RAB8B: variants seen among roughly 807,000 people sequenced by gnomAD.
The protein encoded by RAB8B is RAB8B, member RAS oncogene family.
In RAB8B, 11 loss-of-function variants were observed where a neutral mutation model predicts 32.0. The ratio of observed to expected loss-of-function variants is 0.34; its 90% CI spans 0.22 to 0.57. The LOEUF is 0.57. RAB8B is among the 20% of genes least tolerant of loss of function. The pLI, the probability that RAB8B is intolerant of heterozygous loss-of-function variation, is 0.86. For synonymous variants in RAB8B, 103 were observed against 89.6 expected (o/e 1.15, Z -0.85); for missense variants, 190 against 258.5 (o/e 0.73, Z 1.82).
chr15:63,200,613 C>T (rs1206950423), intron 1 of RAB8B, among the ~76,000 whole-genome samples: 2 of 147,740 alleles, frequency 1.4e-5, no homozygotes, highest in African/African-American at 5.0e-5. Flanking sequence ...CATAGTGAGA[C>T]ACTCAACACC....
chr15:63,213,317 A>C (rs2037762702), intron 1 of RAB8B, among the ~76,000 whole-genome samples: 1 of 150,990 alleles, frequency 6.6e-6, no homozygotes, highest in Non-Finnish European at 1.5e-5. Context: ...GACGTGGGGC[A>C]AAGCAGAGGA....
intron 1 of RAB8B, among the ~76,000 whole-genome samples, chr15:63,220,921 T>C (rs992937997): frequency 2.0e-5 from 3 of 152,216 alleles, no homozygotes; most frequent in Admixed American, 6.5e-5. Context: ...GATCCTCTGC[T>C]CAAGTGTAAT....
chr15:63,240,543 C>T (rs2038023657), intron 1 of RAB8B, among the ~76,000 whole-genome samples: 1 of 152,044 alleles, frequency 6.6e-6, no homozygotes, highest in South Asian at 2.1e-4. Flanking sequence ...TGAATTTTTA[C>T]CTCTTGTAGT....
chr15:63,237,412 T>C (rs2037990001), intron 1 of RAB8B, among the ~76,000 whole-genome samples: 1 of 152,246 alleles, frequency 6.6e-6, no homozygotes, highest in South Asian at 2.1e-4. Flanking sequence ...TGCCTATCTT[T>C]TGGATAAAAG....
At chr15:63,232,995 C>T (rs1010245718) in intron 1 of RAB8B, among the ~76,000 whole-genome samples, 3 of 150,756 alleles carry the variant, frequency 2.0e-5, no homozygotes, top group African/African-American at 7.3e-5. Context: ...ATAACTTATG[C>T]GACGTATATT....
chr15:63,222,516 TTGA>T (rs202070874), intron 1 of RAB8B, among the ~76,000 whole-genome samples: 1 of 152,202 alleles, frequency 6.6e-6, no homozygotes, highest in East Asian at 1.9e-4. Context: ...GTCCCATAAG[TTGA>T]TGATGATGAT....
intron 1 of RAB8B, among the ~76,000 whole-genome samples, chr15:63,243,451 A>G (rs1264895996): frequency 1.3e-5 from 2 of 152,202 alleles, no homozygotes; most frequent in African/African-American, 2.4e-5. Flanking sequence ...GAGCTTGCTG[A>G]TATTTGTCAA....
intron 1 of RAB8B, among the ~76,000 whole-genome samples, chr15:63,241,906 C>A (rs568712303): frequency 1.3e-5 from 2 of 151,972 alleles, no homozygotes; most frequent in African/African-American, 4.8e-5. Context: ...TTGTCAGATG[C>A]TAGCAGTAAT....
chr15:63,258,735 G>C (rs1305253847), intron 5 of RAB8B, among the ~76,000 whole-genome samples: 4 of 152,196 alleles, frequency 2.6e-5, no homozygotes, highest in Non-Finnish European at 5.9e-5. Flanking sequence ...CTCTGTAAAT[G>C]AAGTAGTGGC....
At chr15:63,194,200 A>T (rs60120861) in intron 1 of RAB8B, among the ~76,000 whole-genome samples, 2 of 149,942 alleles carry the variant, frequency 1.3e-5, no homozygotes, top group East Asian at 3.9e-4. Context: ...TTTTATAAAT[A>T]AAAAAAAAAT....
intron 5 of RAB8B, among the ~76,000 whole-genome samples, chr15:63,258,097 AT>A (rs1408190441): frequency 6.8e-6 from 1 of 147,376 alleles, no homozygotes; most frequent in African/African-American, 2.5e-5. Flanking sequence ...AAAAGTAAGT[AT>A]AGTTTTTTTT....
intron 1 of RAB8B, among the ~76,000 whole-genome samples, chr15:63,208,429 G>C (rs1198202132): frequency 1.3e-5 from 2 of 152,006 alleles, no homozygotes; most frequent in Non-Finnish European, 2.9e-5. Flanking sequence ...TGTCATTTGT[G>C]AAAGAAAAAA....
chr15:63,251,409 A>T (rs953552509), intron 3 of RAB8B: 21 of 437,946 alleles, frequency 4.8e-5, no homozygotes, highest in African/African-American at 4.2e-4. Context: ...GCATGCTAGG[A>T]ATGATGTGCT....
In RAB8B at chr15:63,263,598, C is replaced by G. The variant is rs776912093; in HGVS notation, c.603C>G (p.Phe201Leu). 1 of 1,610,386 alleles carries G rather than the reference C, an allele frequency of 6.2e-7. No individual in the cohort carries two copies. The highest frequency in any genetic ancestry group is 1.1e-5 in the South Asian group (1 of 91,000). The change falls in exon 8 of 8, where the codon TTC (phenylalanine) becomes TTG (leucine). Residue 201 changes from phenylalanine to leucine, a missense_variant. Coordinates refer to ENST00000321437, the MANE Select transcript of RAB8B (RefSeq NM_016530.3). ...ITENRSKKTS[F>L]FRCSLL Reference sequence around the variant, plus strand: ...AAAACCGATCAAAGAAGACCAGTTTCTTTCGTTGCTCGCTACTTTGATGAA... The same window carrying G: ...AAAACCGATCAAAGAAGACCAGTTTGTTTCGTTGCTCGCTACTTTGATGAA...
chr15:63,206,213 C>T (rs2037696616), intron 1 of RAB8B, among the ~76,000 whole-genome samples: 1 of 152,100 alleles, frequency 6.6e-6, no homozygotes, highest in South Asian at 2.1e-4. Context: ...CAGCCCATTT[C>T]TTTTTTTACC....
chr15:63,229,529 C>A (rs759285619), intron 1 of RAB8B, among the ~76,000 whole-genome samples: 2 of 152,110 alleles, frequency 1.3e-5, no homozygotes, highest in African/African-American at 2.4e-5. Context: ...CGCCTGTAAT[C>A]CCAGCACTTT....
At chr15:63,218,249 C>CTTA (rs2037811055) in intron 1 of RAB8B, among the ~76,000 whole-genome samples, 2 of 152,298 alleles carry the variant, frequency 1.3e-5, no homozygotes, top group South Asian at 4.1e-4. Context: ...TCTGTTTCCT[C>CTTA]TTACGTTAAA....
At chr15:63,211,337 C>T in intron 1 of RAB8B, among the ~76,000 whole-genome samples, 1 of 152,080 alleles carries the variant, frequency 6.6e-6, no homozygotes, top group East Asian at 1.9e-4. Context: ...AATTCTTGTC[C>T]CTTTCTGAGT....
chr15:63,256,685 A>G (rs1397910812), intron 5 of RAB8B, 91 bp downstream of exon 5: 1 of 995,500 alleles, frequency 1.0e-6, no homozygotes, highest in Non-Finnish European at 1.5e-6. Context: ...TTTTTTTAAA[A>G]TCTGTGTTTT....
Sources: allele counts gnomAD v4.1 joint callset (sites outside exome capture counted in the v4.1 genomes callset), GRCh38; gene constraint gnomAD v4.1.1; transcripts MANE v1.5; gene names NCBI Gene and HGNC (gene_info 2026-07-23, HGNC 2026-07-21).